The following ZNF599 variants were observed in gnomAD, a reference collection of about 807,000 sequenced individuals.
The protein encoded by ZNF599 is zinc finger protein 599.
A neutral mutation model predicts 11.7 loss-of-function variants in ZNF599; 10 were observed. That is an observed-to-expected ratio of 0.86 (90% CI 0.53 to 1.45). The LOEUF is 1.45. ZNF599 is among the 40% of genes most tolerant of loss of function. The pLI is 0.00. For synonymous variants in ZNF599, 232 were observed against 253.2 expected (o/e 0.92, Z 0.79); for missense variants, 688 against 713.6 (o/e 0.96, Z 0.41).
the ZNF599 span, among the ~76,000 whole-genome samples, chr19:34,799,852 G>T: frequency 1.3e-5 from 2 of 152,196 alleles, no homozygotes; most frequent in East Asian, 1.9e-4. Context: ...CTGAACTGGG[G>T]GAGACACAAT....
the ZNF599 span, among the ~76,000 whole-genome samples, chr19:34,789,181 C>T: frequency 6.6e-6 from 1 of 152,050 alleles, no homozygotes; most frequent in Non-Finnish European, 1.5e-5. Context: ...CTTTTCTGTG[C>T]CTGGCTTATT....
chr19:34,779,440 C>G, the ZNF599 span: 5 of 456,018 alleles, frequency 1.1e-5, no homozygotes, highest in African/African-American at 8.0e-5. Context: ...TGAAAACTTT[C>G]ATCAGAGTGA....
the ZNF599 span, among the ~76,000 whole-genome samples, chr19:34,789,942 G>A: frequency 1.3e-5 from 2 of 152,152 alleles, no homozygotes; most frequent in African/African-American, 4.8e-5. Context: ...AAGTCATGGA[G>A]CATGTCCTCT....
At chr19:34,765,421 C>T in intron 3 of ZNF599, 1 of 617,914 alleles carries the variant, frequency 1.6e-6, no homozygotes, top group South Asian at 1.9e-5. Context: ...CTGCCTATGA[C>T]ACGCCTGAGA....
chr19:34,789,023 A>G, the ZNF599 span, among the ~76,000 whole-genome samples: 1 of 152,192 alleles, frequency 6.6e-6, no homozygotes, highest in East Asian at 1.9e-4. Context: ...ACCATGTTGT[A>G]TAATAGATTT....
chr19:34,777,476 TTA>T (rs2069226188), upstream of ZNF599, among the ~76,000 whole-genome samples: 1 of 103,104 alleles, frequency 9.7e-6, no homozygotes, highest in African/African-American at 3.9e-5. Flanking sequence ...TATATATTAA[TTA>T]ATATATAATA....
intron 1 of ZNF599, among the ~76,000 whole-genome samples, chr19:34,771,765 T>C (rs1331887449): frequency 6.6e-6 from 1 of 152,112 alleles, no homozygotes; most frequent in Non-Finnish European, 1.5e-5. Flanking sequence ...TAATCACTTA[T>C]CGACTAAGTG....
the ZNF599 span, among the ~76,000 whole-genome samples, chr19:34,806,753 G>A: frequency 6.6e-6 from 1 of 152,130 alleles, no homozygotes; most frequent in Non-Finnish European, 1.5e-5. Context: ...AGGGGCAACA[G>A]TCCTTGCCCA....
chr19:34,760,336 A>T lies in ZNF599; in HGVS notation c.465T>A (p.Asp155Glu), dbSNP rs555806829. Residue 155 changes from aspartate to glutamate, a missense_variant, in exon 4 of 4, where the codon GAT (aspartate) becomes GAA (glutamate). Asp to Glu is a conservative substitution (Grantham distance 45). Coordinates refer to ENST00000329285, the MANE Select transcript of ZNF599 (RefSeq NM_001007248.3). The part of the protein sequence containing the change: ...ICPEKLSYKH[D>E]DLEPDDSLGL... ...CCAGACTATCATCTGGCTCCAAATC[A>T]TCATGTTTATAACTCAACTTCTCAG... 8.5e-5 allele frequency: 138 copies of T among 1,614,082 alleles called. No homozygotes were observed. The South Asian group carries it at 1.2e-3, about 14-fold the overall frequency.
the ZNF599 span, among the ~76,000 whole-genome samples, chr19:34,780,289 C>G: frequency 1.3e-5 from 2 of 152,130 alleles, no homozygotes; most frequent in Admixed American, 6.5e-5. Flanking sequence ...GGGAGAATTA[C>G]TTCAGGCCAG....
the ZNF599 span, among the ~76,000 whole-genome samples, chr19:34,802,199 T>C: frequency 6.6e-6 from 1 of 152,214 alleles, no homozygotes; most frequent in East Asian, 1.9e-4. Context: ...CTATGTGAGT[T>C]CACAGGACTG....
intron 1 of ZNF599, among the ~76,000 whole-genome samples, chr19:34,770,809 C>T (rs1459911344): frequency 6.6e-6 from 1 of 152,204 alleles, no homozygotes; most frequent in Non-Finnish European, 1.5e-5. Context: ...CACTCTATGT[C>T]TCCTCATGCC....
intron 1 of ZNF599, among the ~76,000 whole-genome samples, chr19:34,772,075 C>T (rs1274387910): frequency 6.6e-6 from 1 of 152,184 alleles, no homozygotes; most frequent in Non-Finnish European, 1.5e-5. Context: ...GAGGAGTAAA[C>T]AGTGTGACAT....
At chr19:34,774,260 T>G (rs565946273), upstream of ZNF599, among the ~76,000 whole-genome samples, 48 of 152,232 alleles carry the variant, frequency 3.2e-4, 1 homozygote, top group South Asian at 7.7e-3. Context: ...TCATCTCTAA[T>G]TCACAGCAAC....
the ZNF599 span, among the ~76,000 whole-genome samples, chr19:34,778,387 G>T: frequency 5.3e-5 from 8 of 151,760 alleles, no homozygotes; most frequent in Non-Finnish European, 8.8e-5. Context: ...ATATACTAAA[G>T]ATCAAAATGG....
chr19:34,759,274 A>G lies in ZNF599; in HGVS notation c.1527T>C (p.Cys509=), dbSNP rs762497004. The part of the protein sequence containing the change: ...RIHTGEKPYV[C]RECGKAFTQP... Reference sequence around the variant, plus strand: ...GGGTAAAAGCCTTTCCACATTCTCTACAAACATAGGGCTTCTCTCCAGTGT... The same window carrying G: ...GGGTAAAAGCCTTTCCACATTCTCTGCAAACATAGGGCTTCTCTCCAGTGT... Residue 509 remains cysteine (C), a synonymous_variant, in exon 4 of 4, where the codon TGT becomes TGC. Transcript: ENST00000329285. 10 of 1,614,088 alleles carry G rather than the reference A, an allele frequency of 6.2e-6. No homozygotes were observed. Among genetic ancestry groups the G allele is most frequent in the Non-Finnish European group, 8.5e-6 (10 of 1,180,010 alleles).
intron 3 of ZNF599, chr19:34,765,686 G>C (rs749402164): frequency 1.4e-6 from 1 of 702,938 alleles, no homozygotes; most frequent in Non-Finnish European, 2.6e-6. Context: ...GTGTCAAAAA[G>C]CAAGAAAATC....
the ZNF599 span, among the ~76,000 whole-genome samples, chr19:34,779,243 C>CTTTTTTTTT: frequency 1.2e-4 from 7 of 57,312 alleles, no homozygotes; most frequent in Non-Finnish European, 1.6e-4. Flanking sequence ...CCATGCCCAG[C>CTTTTTTTTT]TTTTTTTTTT....
the ZNF599 span, among the ~76,000 whole-genome samples, chr19:34,782,645 A>C: frequency 6.6e-6 from 1 of 152,198 alleles, no homozygotes; most frequent in Admixed American, 6.5e-5. Context: ...AGAAGTGAGA[A>C]GGGCCCATGC....
Sources: gnomAD v4.1 joint callset for allele counts (sites outside exome capture counted in the v4.1 genomes callset) on GRCh38, gnomAD v4.1.1 for gene constraint, MANE v1.5 for transcripts, NCBI Gene and HGNC (gene_info 2026-07-23, HGNC 2026-07-21) for gene names.